Variants in RBM22 observed in about 807,000 individuals in gnomAD.
The protein encoded by RBM22 is RNA binding motif protein 22, also known as pre-mRNA-splicing factor RBM22.
RBM22 carries 1 observed loss-of-function variant against 50.1 expected under a neutral mutation model. The ratio of observed to expected loss-of-function variants is 0.02; its 90% CI spans 0.01 to 0.09. The LOEUF (loss-of-function observed/expected upper bound fraction) is 0.09. Ranked by LOEUF, RBM22 falls within the 10% of genes least tolerant of loss-of-function variation. RBM22 has a pLI of 1.00. For missense variants in RBM22, 264 were observed against 529.3 expected (o/e 0.50, Z 4.92); for synonymous variants, 152 against 179.0 (o/e 0.85, Z 1.20).
intron 7 of RBM22, 164 bp downstream of exon 7, chr5:150,695,342 C>A: frequency 1.6e-6 from 1 of 641,826 alleles, no homozygotes; most frequent in Non-Finnish European, 2.7e-6. Flanking sequence ...ACTGTGGCAC[C>A]ATAAAGGACA....
Position 150,701,057 on chromosome 5 carries a change from G to A in RBM22, c.-72C>T. 3 of 1,600,292 alleles carry A rather than the reference G, an allele frequency of 1.9e-6. No individual in the cohort carries two copies. Among genetic ancestry groups the A allele is most frequent in the Non-Finnish European group, 2.6e-6 (3 of 1,167,974 alleles). ...GACCGCCACAATCCCGTCAAGCCCCGAGGCTAGCGCCGCGCCGGTCGGCGT... is the reference window on the plus strand; with the variant it reads ...GACCGCCACAATCCCGTCAAGCCCCAAGGCTAGCGCCGCGCCGGTCGGCGT... On this transcript the variant is annotated 5_prime_UTR_variant, in exon 1 of 11. Transcript: ENST00000199814.
rs201409838 is a variant in RBM22, at chr5:150,691,891, C to G, written c.1133-10G>C. On this transcript the variant is annotated splice_polypyrimidine_tract_variant and intron_variant, in intron 10 of 10. Coordinates refer to ENST00000199814, the MANE Select transcript of RBM22 (RefSeq NM_018047.3). ...ATGTGTGGCCCAAAACCTGCAGATA[C>G]GAGAGAACAAATGTGTTAGGCTGGT... The G allele has an allele frequency of 5.1e-6, 8 of 1,557,838 alleles. No homozygotes were observed. In the East Asian group the frequency reaches 1.6e-4, roughly 32 times the overall value.
At position 150,696,808 on chromosome 5, in the gene RBM22, G is replaced by C. The variant is rs758870393; in HGVS notation, c.355C>G (p.Gln119Glu). The C allele has an allele frequency of 6.2e-7, 1 of 1,614,084 alleles. No homozygotes were observed. The highest frequency in any genetic ancestry group is 2.2e-5 in the East Asian group (1 of 44,872). Residue 119 changes from glutamine (Q) to glutamate (E), a missense_variant, in exon 5 of 11, where the codon CAG (glutamine) becomes GAG (glutamate). Gln to Glu is a conservative substitution (Grantham distance 29). This residue lies in a region of RBM22 where 44 missense variants were observed against 57.9 expected (regional missense o/e 0.76). Transcript: ENST00000199814. This position sits in a 1 kb window ranked among gnomAD's most constrained non-coding sequence, Gnocchi z 4.3. Reference protein sequence around the residue: ...KSDVNKEYYTQNMEREISNSD... With the variant: ...KSDVNKEYYTENMEREISNSD... ...CAGCATACCTCTCTCTCCATATTCT[G>C]TGTATAGTACTCTTTGTTGACATCT...
At position 150,696,676 on chromosome 5, in the gene RBM22, A is replaced by C; in HGVS notation, c.402T>G (p.Val134=). The C allele has an allele frequency of 6.2e-7, 1 of 1,614,190 alleles. No homozygotes were observed. Among genetic ancestry groups the C allele is most frequent in the Middle Eastern group, 1.6e-4 (1 of 6,062 alleles). The change falls in exon 6 of 11, where the codon GTT becomes GTG. Residue 134 remains valine, a synonymous_variant. Coordinates refer to ENST00000199814, the MANE Select transcript of RBM22 (RefSeq NM_018047.3). The surrounding 1 kb of genome is among the most constrained non-coding windows in gnomAD (Gnocchi z 4.3). ...TAGATGTGGCTTTCCCCAGCATGCC[A>C]ACTGGCCGTGTTCCATCAGAGTTAG... ...EISNSDGTRP[V]GMLGKATSTS...
At chr5:150,700,520 T>C (rs770696204) in intron 1 of RBM22, 23 bp from the exon 2 acceptor site, 3 of 1,613,922 alleles carry the variant, frequency 1.9e-6, no homozygotes, top group East Asian at 4.5e-5. Flanking sequence ...GGAAATCTGG[T>C]TGAGGACCAC....
intron 10 of RBM22, among the ~76,000 whole-genome samples, chr5:150,692,640 T>C (rs1759222585): frequency 6.6e-6 from 1 of 152,114 alleles, no homozygotes; most frequent in African/African-American, 2.4e-5. Context: ...GGGAACAAAT[T>C]GGTGATAGAT....
intron 10 of RBM22, among the ~76,000 whole-genome samples, 170 bp downstream of exon 10, chr5:150,692,725 C>T (rs948551488): frequency 6.6e-6 from 1 of 152,166 alleles, no homozygotes; most frequent in Non-Finnish European, 1.5e-5. Flanking sequence ...TTCTTCTCCT[C>T]GGCAGAGCAG....
intron 4 of RBM22, among the ~76,000 whole-genome samples, 171 bp downstream of exon 4, chr5:150,698,328 A>C (rs573411417): frequency 6.6e-6 from 1 of 152,314 alleles, no homozygotes; most frequent in East Asian, 1.9e-4. Context: ...ACTATTGTTC[A>C]GGACTCTAGA....
chr5:150,697,646 T>C (rs59609071), intron 4 of RBM22: 12,968 of 218,914 alleles, frequency 0.059, 1,570 homozygotes, highest in African/African-American at 0.27. Flanking sequence ...AACAAACATA[T>C]AAATAATATT....
intron 4 of RBM22, among the ~76,000 whole-genome samples, chr5:150,698,078 C>T (rs1419012527): frequency 2.0e-5 from 3 of 152,136 alleles, no homozygotes; most frequent in South Asian, 4.1e-4. Context: ...GCTGTGATCA[C>T]ACCACTGTAC....
At chr5:150,699,356 G>T in intron 2 of RBM22, 85 bp from the exon 3 acceptor site, 2 of 1,460,624 alleles carry the variant, frequency 1.4e-6, no homozygotes, top group Non-Finnish European at 1.8e-6. Context: ...CATAACCCAA[G>T]AAATGTGTCT....
At chr5:150,692,845 C>T (rs1759226094) in intron 10 of RBM22, 50 bp downstream of exon 10, 2 of 1,524,722 alleles carry the variant, frequency 1.3e-6, no homozygotes, top group Non-Finnish European at 8.9e-7. Context: ...GTTTATGAGA[C>T]AGAACTTTCA....
intron 4 of RBM22, 95 bp downstream of exon 4, chr5:150,698,404 G>A (rs1236420624): frequency 6.9e-7 from 1 of 1,453,744 alleles, no homozygotes; most frequent in Non-Finnish European, 9.4e-7. Flanking sequence ...AGTGAAATCA[G>A]AACCAGAGCT....
chr5:150,694,339 A>G lies in RBM22; in HGVS notation c.747-99T>C, dbSNP rs1581546041. 2.7e-6 allele frequency: 4 copies of G among 1,459,268 alleles called. No homozygotes were observed. The East Asian group carries it at 1.0e-4, about 37-fold the overall frequency. The allele number at this position is 1,459,268 out of a possible 1,614,324, so 90.4% of individuals were successfully genotyped here. The stretch of plus-strand genomic sequence containing the variant: ...AACTTTCACTGACACACCACTAGGC[A>G]GGTGGGCCCCAAGGTTATCTGCCTA... On this transcript the variant is annotated intron_variant, in intron 7 of 10. Coordinates refer to ENST00000199814, the MANE Select transcript of RBM22 (RefSeq NM_018047.3).
intron 4 of RBM22, chr5:150,697,643 A>T: frequency 9.2e-6 from 2 of 216,722 alleles, no homozygotes; most frequent in South Asian, 1.0e-4. Flanking sequence ...CTTAACAAAC[A>T]TATAAATAAT....
chr5:150,700,279 GATTCGTAAGAGA>G (rs1759328623), intron 2 of RBM22, among the ~76,000 whole-genome samples, 153 bp downstream of exon 2: 1 of 152,206 alleles, frequency 6.6e-6, no homozygotes, highest in Non-Finnish European at 1.5e-5. Context: ...AGTGTTACCG[GATTCGTAAGAGA>G]ATACACATGA....
At chr5:150,699,622 A>G (rs1379757244) in intron 2 of RBM22, among the ~76,000 whole-genome samples, 1 of 152,244 alleles carries the variant, frequency 6.6e-6, no homozygotes, top group Non-Finnish European at 1.5e-5. Flanking sequence ...CTGTCTCTAC[A>G]GAAAAAAGAA....
intron 4 of RBM22, 125 bp from the exon 5 acceptor site, chr5:150,697,016 T>A (rs1759285116): frequency 1.1e-6 from 1 of 900,212 alleles, no homozygotes; most frequent in Non-Finnish European, 1.7e-6. Context: ...GACTTTACTA[T>A]GTTTTTATTC....
rs1360733044 is a variant in RBM22 at position 150,694,296 on chromosome 5, G to A, written c.747-56C>T. ...GTGGGAGTTAAAAAAGATGTACCCAGGAGACTGAAAATGGATTAACTTTCA... is the reference window on the plus strand; with the variant it reads ...GTGGGAGTTAAAAAAGATGTACCCAAGAGACTGAAAATGGATTAACTTTCA... On this transcript the variant is annotated intron_variant, in intron 7 of 10. Coordinates refer to ENST00000199814, the MANE Select transcript of RBM22 (RefSeq NM_018047.3). The A allele has an allele frequency of 3.2e-6, 5 of 1,558,638 alleles. No homozygotes were observed. In the East Asian group the frequency reaches 1.1e-4, roughly 36 times the overall value.
Sources: gnomAD v4.1 joint callset for allele counts (sites outside exome capture counted in the v4.1 genomes callset) on GRCh38, gnomAD v4.1.1 for gene constraint, gnomAD v4.1.1 regional missense constraint, Gnocchi (gnomAD v3.1) non-coding constraint, MANE v1.5 for transcripts, NCBI Gene and HGNC (gene_info 2026-07-23, HGNC 2026-07-21) for gene names.